The following VPS13B variants were observed in gnomAD, a reference collection of about 807,000 sequenced individuals.
VPS13B encodes the protein intermembrane lipid transfer protein VPS13B.
In VPS13B, 285 loss-of-function variants were observed where a neutral mutation model predicts 426.4. The observed-to-expected ratio is 0.67, with a 90% CI of 0.61 to 0.74. VPS13B has a LOEUF of 0.74. Among genes scored for constraint, VPS13B ranks in the 30% least tolerant of loss-of-function variants. The pLI is 0.00. For synonymous variants in VPS13B, 1,676 were observed against 1,676.4 expected (o/e 1.00, Z 0.01); for missense variants, 4,537 against 4,782.6 (o/e 0.95, Z 1.51).
intron 3 of VPS13B, among the ~76,000 whole-genome samples, chr8:99,055,234 G>A (rs1041703242): frequency 6.6e-5 from 10 of 152,056 alleles, no homozygotes; most frequent in African/African-American, 2.4e-4. Flanking sequence ...AGACAAGGTT[G>A]TGCCATGTCG....
intron 39 of VPS13B, among the ~76,000 whole-genome samples, chr8:99,755,196 G>A (rs922746702): frequency 2.6e-5 from 4 of 152,236 alleles, no homozygotes; most frequent in Non-Finnish European, 5.9e-5. Context: ...AAAGCTCTGT[G>A]CAAGCAGTAA....
At chr8:99,235,176 C>T (rs763399589) in intron 17 of VPS13B, among the ~76,000 whole-genome samples, 3 of 152,170 alleles carry the variant, frequency 2.0e-5, no homozygotes, top group Non-Finnish European at 4.4e-5. Context: ...CTTGCTCCCA[C>T]ATCTATTTCA....
intron 30 of VPS13B, among the ~76,000 whole-genome samples, chr8:99,547,687 G>A (rs777107190): frequency 3.3e-5 from 5 of 151,938 alleles, no homozygotes; most frequent in Non-Finnish European, 7.4e-5. Context: ...TTACATTATC[G>A]ACCAACTATT....
At chr8:99,491,873 CAA>C (rs1820621185) in intron 25 of VPS13B, among the ~76,000 whole-genome samples, 1 of 152,188 alleles carries the variant, frequency 6.6e-6, no homozygotes, top group Admixed American at 6.5e-5. Context: ...GTCAATTCGT[CAA>C]AGTCATTCTC....
chr8:99,475,064 A>G (rs1162124633), intron 24 of VPS13B, among the ~76,000 whole-genome samples: 2 of 152,208 alleles, frequency 1.3e-5, no homozygotes, highest in Non-Finnish European at 2.9e-5. Flanking sequence ...TCTTGAAATC[A>G]TTATGCTGAC....
At chr8:99,630,798 A>G (rs779464737) in intron 33 of VPS13B, among the ~76,000 whole-genome samples, 2 of 152,118 alleles carry the variant, frequency 1.3e-5, no homozygotes, top group Non-Finnish European at 2.9e-5. Context: ...TATGGGATAT[A>G]TTAGGAATGG....
rs576459740 is a variant in VPS13B at position 99,404,806 on chromosome 8, G to A, written c.3082+13102G>A. 9.2e-5 allele frequency among the ~76,000 whole-genome samples: 14 copies of A among 152,144 alleles called. No homozygotes were observed. The South Asian group carries it at 1.2e-3, about 14-fold the overall frequency. ...ACCCCATGTTAAGCTAACATCACAC[G>A]GTCTTGTCTTCTTCATTTATAAAAT... On this transcript the variant is annotated intron_variant, in intron 21 of 61. Coordinates refer to ENST00000357162, the MANE Select transcript of VPS13B (RefSeq NM_152564.5).
intron 19 of VPS13B, among the ~76,000 whole-genome samples, chr8:99,276,777 A>G (rs1328555264): frequency 1.3e-5 from 2 of 152,162 alleles, no homozygotes; most frequent in African/African-American, 4.8e-5. Flanking sequence ...TTACCCATAT[A>G]GTAATTTTTG....
intron 4 of VPS13B, among the ~76,000 whole-genome samples, chr8:99,098,465 C>CA (rs767804055): frequency 7.2e-5 from 11 of 152,130 alleles, no homozygotes; most frequent in Non-Finnish European, 1.6e-4. Flanking sequence ...TTATTTCAAT[C>CA]AGTGGCATAC....
At chr8:99,142,077 CAATT>C (rs949452599) in intron 12 of VPS13B, among the ~76,000 whole-genome samples, 3 of 151,808 alleles carry the variant, frequency 2.0e-5, no homozygotes, top group African/African-American at 4.8e-5. Flanking sequence ...ATCAATCAAT[CAATT>C]AATCTAATTC....
chr8:99,068,474 A>G (rs1563519248), intron 3 of VPS13B, among the ~76,000 whole-genome samples: 1 of 152,170 alleles, frequency 6.6e-6, no homozygotes, highest in Non-Finnish European at 1.5e-5. Context: ...TTTGGAACAC[A>G]TCCACTCTTA....
chr8:99,732,583 A>C (rs186827919), intron 39 of VPS13B, among the ~76,000 whole-genome samples: 2 of 152,336 alleles, frequency 1.3e-5, no homozygotes, highest in East Asian at 3.9e-4. Flanking sequence ...CCCTGCTGGC[A>C]TCACAGCCAT....
intron 33 of VPS13B, among the ~76,000 whole-genome samples, chr8:99,617,980 C>G (rs947487651): frequency 1.3e-5 from 2 of 151,986 alleles, no homozygotes; most frequent in Admixed American, 1.3e-4. Context: ...TTCTGATACT[C>G]TGTTCCCAGA....
chr8:99,246,862 A>C (rs887569309), intron 17 of VPS13B, among the ~76,000 whole-genome samples: 1 of 145,872 alleles, frequency 6.9e-6, no homozygotes, highest in Non-Finnish European at 1.5e-5. Context: ...AAAAAAAAAA[A>C]CAAAAAAAGA....
intron 2 of VPS13B, among the ~76,000 whole-genome samples, chr8:99,030,312 T>C (rs1842452059): frequency 2.0e-5 from 3 of 152,018 alleles, no homozygotes; most frequent in Non-Finnish European, 4.4e-5. Context: ...AAAAATGATT[T>C]CTGGTTAGGA....
intron 3 of VPS13B, among the ~76,000 whole-genome samples, chr8:99,062,555 G>A (rs547673200): frequency 6.6e-6 from 1 of 152,174 alleles, no homozygotes; most frequent in South Asian, 2.1e-4. Flanking sequence ...TGCAACCTCC[G>A]CCTCCCAGGT....
intron 19 of VPS13B, among the ~76,000 whole-genome samples, chr8:99,288,284 T>C (rs1819550580): frequency 6.6e-6 from 1 of 152,054 alleles, no homozygotes; most frequent in South Asian, 2.1e-4. Flanking sequence ...TGATTACCAG[T>C]GCTTAATGGG....
chr8:99,275,118 G>A lies in VPS13B; in HGVS notation c.2688G>A (p.Gln896=). 6.2e-7 allele frequency: 1 copy of A among 1,610,228 alleles called. No individual in the cohort carries two copies. The highest frequency in any genetic ancestry group is 8.5e-7 in the Non-Finnish European group (1 of 1,178,436). The part of the protein sequence containing the change: ...SGKEKLIPLL[Q]GPSDTKDLHS... ...AAGAGAAGTTGATTCCCTTGCTTCA[G>A]GGTCCTTCTGACACTAAAGACCTTC... Residue 896 remains glutamine, a synonymous_variant, in exon 19 of 62, where the codon CAG becomes CAA. Transcript: ENST00000357162.
chr8:99,258,138 A>T lies in VPS13B; in HGVS notation c.2516-16060A>T, dbSNP rs73285955. ...TATTATTTTAACCAATAATTTAACC[A>T]AATAACATTATTATTTTAACCAATA... On this transcript the variant is annotated intron_variant, in intron 17 of 61. Transcript: ENST00000357162. Among the ~76,000 whole-genome samples the T allele has an allele frequency of 2.3e-3, 352 of 151,856 alleles. No homozygotes were observed. The Middle Eastern group carries it at 0.027, about 12-fold the overall frequency.
Sources: gnomAD v4.1 joint callset for allele counts (sites outside exome capture counted in the v4.1 genomes callset) on GRCh38, gnomAD v4.1.1 for gene constraint, MANE v1.5 for transcripts, NCBI Gene and HGNC (gene_info 2026-07-23, HGNC 2026-07-21) for gene names.